Variants in PRR12 observed in about 807,000 individuals in gnomAD.
PRR12 encodes proline-rich protein 12.
Under a neutral mutation model 138.0 loss-of-function variants are expected in PRR12, and 12 were observed. That is an observed-to-expected ratio of 0.09 (90% confidence interval 0.06 to 0.14). The LOEUF (loss-of-function observed/expected upper bound fraction) is 0.14, where lower values mean the gene tolerates loss of function less well. Among genes scored for constraint, PRR12 ranks in the 10% least tolerant of loss-of-function variants. The pLI is 1.00. For synonymous variants in PRR12, 1,567 were observed against 1,291.7 expected, an observed-to-expected ratio of 1.21 and a Z score of -4.57; for missense variants, 2,692 against 2,861.3, an observed-to-expected ratio of 0.94 and a Z score of 1.35.
intron 6 of PRR12, among the ~76,000 whole-genome samples, chr19:49,612,549 G>A (rs1367698356): frequency 1.3e-5 from 2 of 152,116 alleles, no homozygotes; most frequent in African/African-American, 2.4e-5. Flanking sequence ...CAGAGGGTCT[G>A]ATCCCAGCTA....
chr19:49,615,681 G>A (rs2080888391), intron 8 of PRR12, 66 bp from the exon 9 acceptor site: 1 of 1,363,844 alleles, frequency 7.3e-7, no homozygotes, highest in South Asian at 1.3e-5. Context: ...CACTGAGCAG[G>A]GACCCTGAGG....
Position 49,593,402 on chromosome 19 carries a change from C to T in PRR12, c.162C>T (p.His54=). The change falls in exon 2 of 14, where the codon CAC becomes CAT. Residue 54 remains histidine (H), a synonymous_variant. Coordinates refer to ENST00000418929, the MANE Select transcript of PRR12 (RefSeq NM_020719.3). The part of the protein sequence containing the change: ...ILHRQAYAAP[H]PLQSYATNHH... ...ACCGCCAGGCCTATGCGGCCCCCCA[C>T]CCACTGCAAAGCTATGCCACCAACC... The T allele has an allele frequency of 1.2e-6, 2 of 1,611,380 alleles. No individual in the cohort carries two copies. Among genetic ancestry groups the T allele is most frequent in the Non-Finnish European group, 1.7e-6 (2 of 1,178,566 alleles).
chr19:49,621,466 C>T, intron 10 of PRR12, 59 bp from the exon 11 acceptor site: 1 of 1,376,432 alleles, frequency 7.3e-7, no homozygotes, highest in Non-Finnish European at 1.0e-6. Flanking sequence ...ATGACCCCAC[C>T]TTGGCCCCAG....
At position 49,612,321 on chromosome 19, in the gene PRR12, G is replaced by A. The variant is rs1416401331; in HGVS notation, c.4774-2212G>A. 2.0e-5 allele frequency among the ~76,000 whole-genome samples: 3 copies of A among 152,088 alleles called. No homozygotes were observed. The East Asian group carries it at 5.8e-4, about 29-fold the overall frequency. On this transcript the variant is annotated intron_variant, in intron 6 of 13. Transcript: ENST00000418929. ...GGAACCATTGAGTAGGAGGCTGTGG[G>A]CCAGGCCACTTTTCTAGTAATCGGC...
At chr19:49,615,228 G>T (rs1030283332) in intron 8 of PRR12, among the ~76,000 whole-genome samples, 37 of 149,822 alleles carry the variant, frequency 2.5e-4, no homozygotes, top group Non-Finnish European at 4.9e-4. Context: ...GAGACCCAGA[G>T]GTGGGGGGAC....
intron 9 of PRR12, among the ~76,000 whole-genome samples, chr19:49,619,231 T>G (rs2080908065): frequency 7.0e-6 from 1 of 142,424 alleles, no homozygotes; most frequent in Non-Finnish European, 1.5e-5. Context: ...TGAGTTTTTT[T>G]TTTTTTTTTT....
chr19:49,599,287 C>T lies in PRR12; in HGVS notation c.3694C>T (p.Pro1232Ser), dbSNP rs1186734094. 1.2e-6 allele frequency: 2 copies of T among 1,603,914 alleles called. No individual in the cohort carries two copies. The highest frequency in any genetic ancestry group is 2.2e-5 in the East Asian group (1 of 44,788). ...CCATGTCTAGATCAAGCTGTCTGTG[C>T]CCAAGGCTGGCGAGGGTCTGGGAAC... ...LKPLKIKLSVPKAGEGLGTSS... is the reference protein window; with the variant it reads ...LKPLKIKLSVSKAGEGLGTSS... Residue 1232 changes from proline (P) to serine (S), a missense_variant, in exon 5 of 14, where the codon CCC becomes TCC. Pro to Ser is a moderately conservative substitution (Grantham distance 74). Transcript: ENST00000418929. This position sits in a 1 kb window ranked among gnomAD's most constrained non-coding sequence, Gnocchi z 5.0.
Position 49,616,193 on chromosome 19 carries a change from C to T in PRR12, c.5471C>T (p.Ser1824Phe). The T allele has an allele frequency of 1.3e-6, 2 of 1,548,276 alleles. No individual in the cohort carries two copies. The highest frequency in any genetic ancestry group is 4.0e-5 in the Admixed American group (2 of 50,368). The part of the protein sequence containing the change: ...GPPGSSSDSE[S>F]SPGAPSEDER... ...CCAGGCAGCTCCTCGGACTCGGAGT[C>T]CTCCCCTGGAGCCCCCAGCGAGGAC... is the stretch of plus-strand genomic sequence containing the variant. Residue 1824 changes from serine to phenylalanine, a missense_variant, in exon 9 of 14, where the codon TCC becomes TTC. Ser to Phe is a radical substitution (Grantham distance 155). Around this residue, in one of 11 missense-constraint regions of PRR12, gnomAD observed 259 missense variants for 265.1 expected, o/e 0.98. Coordinates refer to ENST00000418929, the MANE Select transcript of PRR12 (RefSeq NM_020719.3). This position sits in a 1 kb window ranked among gnomAD's most constrained non-coding sequence, Gnocchi z 4.2.
At position 49,595,390 on chromosome 19, in the gene PRR12, G is replaced by A; in HGVS notation, c.1055G>A (p.Ser352Asn). 1 of 1,542,080 alleles carries A rather than the reference G, an allele frequency of 6.5e-7. No individual in the cohort carries two copies. The change falls in exon 4 of 14, where the codon AGC becomes AAC. Residue 352 changes from serine to asparagine, a missense_variant. Ser to Asn is a conservative substitution (Grantham distance 46). This residue lies in a region of PRR12 where 523 missense variants were observed against 496.4 expected (regional missense o/e 1.05). Transcript: ENST00000418929. ...GGGGAGCCTAGCAAGGCTGGTCCCAGCGGAGCCACGGCTGGGGCATCTGGC... is the reference window on the plus strand; with the variant it reads ...GGGGAGCCTAGCAAGGCTGGTCCCAACGGAGCCACGGCTGGGGCATCTGGC... ...GAGEPSKAGPSGATAGASGRA... is the reference protein window; with the variant it reads ...GAGEPSKAGPNGATAGASGRA...
In PRR12 at chr19:49,625,487, G is replaced by T; in HGVS notation, c.5991G>T (p.Glu1997Asp). ...CCCTGGCCATCGAGGGCGGCGCCGAGGACCTGGGCCAGGAGGAGGTGGTCC... is the reference window on the plus strand; with the variant it reads ...CCCTGGCCATCGAGGGCGGCGCCGATGACCTGGGCCAGGAGGAGGTGGTCC... ...DQTLAIEGGA[E>D]DLGQEEVVQQ... The change falls in exon 14 of 14, where the codon GAG becomes GAT. Residue 1997 changes from glutamate (E) to aspartate (D), a missense_variant. This residue lies in a region of PRR12 where 116 missense variants were observed against 243.4 expected (regional missense o/e 0.48). Transcript: ENST00000418929. This position sits in a 1 kb window ranked among gnomAD's most constrained non-coding sequence, Gnocchi z 5.5. The T allele has an allele frequency of 1.2e-6, 2 of 1,610,174 alleles. No homozygotes were observed. Among genetic ancestry groups the T allele is most frequent in the East Asian group, 2.2e-5 (1 of 44,772 alleles).
intron 9 of PRR12, among the ~76,000 whole-genome samples, chr19:49,617,839 C>G (rs1446560849): frequency 4.6e-5 from 7 of 152,060 alleles, no homozygotes; most frequent in Non-Finnish European, 1.0e-4. Context: ...GGCACAGTGG[C>G]TGATGCCCAG....
In PRR12 at chr19:49,615,029, CA is replaced by C; in HGVS notation, c.5024+21del. ...AGTCAGGTACCAACCATGGGGGACACAGGGGCAGGTAGTATGTAGCGCCGAC... is the reference window on the plus strand; with the variant it reads ...AGTCAGGTACCAACCATGGGGGACACGGGGCAGGTAGTATGTAGCGCCGAC... On this transcript the variant is annotated intron_variant, in intron 8 of 13. Transcript: ENST00000418929. 1.2e-6 allele frequency: 2 copies of C among 1,613,294 alleles called. No individual in the cohort carries two copies. The highest frequency in any genetic ancestry group is 1.7e-6 in the Non-Finnish European group (2 of 1,179,770).
chr19:49,623,353 C>T (rs535782775), intron 11 of PRR12, among the ~76,000 whole-genome samples: 12 of 151,110 alleles, frequency 7.9e-5, no homozygotes, highest in Admixed American at 5.9e-4. Context: ...TGGCTGGGCG[C>T]GGAGGCTCAT....
chr19:49,593,476 TC>T (rs1476064645), intron 2 of PRR12, 37 bp downstream of exon 2: 1 of 585,650 alleles, frequency 1.7e-6, no homozygotes. Context: ...GGGCTGGCCC[TC>T]CCCCTCCCCC....
rs201889627 is a variant in PRR12, at chr19:49,616,040, C to T, written c.5318C>T (p.Thr1773Met). 1.4e-3 allele frequency: 2,140 copies of T among 1,558,060 alleles called. 5 individuals are homozygous for T. Among genetic ancestry groups the T allele is most frequent in the Non-Finnish European group, 1.7e-3 (1,958 of 1,151,416 alleles). ...ACACGGCCAGAGCGGAGTCTCGCCA[C>T]GGGACAACCTGCCACATCCCGGCTG... ...RQTRPERSLA[T>M]GQPATSRLPK... Residue 1773 changes from threonine (T) to methionine (M), a missense_variant, in exon 9 of 14, where the codon ACG becomes ATG. Physicochemically the swap from Thr to Met is moderately conservative, Grantham distance 81. Coordinates refer to ENST00000418929, the MANE Select transcript of PRR12 (RefSeq NM_020719.3). This position sits in a 1 kb window ranked among gnomAD's most constrained non-coding sequence, Gnocchi z 4.2.
At chr19:49,598,331 C>G (rs1294703451) in intron 4 of PRR12, among the ~76,000 whole-genome samples, 5 of 152,120 alleles carry the variant, frequency 3.3e-5, no homozygotes, top group Non-Finnish European at 1.5e-5. Flanking sequence ...GCCTCGGCCT[C>G]CCAAAGTGCT....
intron 6 of PRR12, among the ~76,000 whole-genome samples, chr19:49,606,267 G>A (rs2080837343): frequency 1.3e-5 from 2 of 151,862 alleles, no homozygotes; most frequent in Non-Finnish European, 1.5e-5. Flanking sequence ...GCCTCCCAAA[G>A]TGCTGAGATT....
chr19:49,591,782 G>A (rs2080729024), intron 1 of PRR12, 42 bp downstream of exon 1: 2 of 1,290,534 alleles, frequency 1.5e-6, no homozygotes, highest in Admixed American at 3.9e-5. Context: ...GCCAAGGGGT[G>A]GGAGCCCAGC....
chr19:49,593,370 A>T lies in PRR12; in HGVS notation c.130A>T (p.Ile44Phe). 6.2e-7 allele frequency: 1 copy of T among 1,603,830 alleles called. No homozygotes were observed. The highest frequency in any genetic ancestry group is 1.7e-5 in the Admixed American group (1 of 59,484). Reference protein sequence around the residue: ...SSRTSHPETDILHRQAYAAPH... With the variant: ...SSRTSHPETDFLHRQAYAAPH... ...CAGGACCTCGCACCCCGAGACGGAC[A>T]TCTTACACCGCCAGGCCTATGCGGC... The change falls in exon 2 of 14, where the codon ATC becomes TTC. Residue 44 changes from isoleucine to phenylalanine, a missense_variant. This residue lies in a region of PRR12 where 211 missense variants were observed against 266.3 expected (regional missense o/e 0.79). Coordinates refer to ENST00000418929, the MANE Select transcript of PRR12 (RefSeq NM_020719.3).
Sources: allele counts gnomAD v4.1 joint callset (sites outside exome capture counted in the v4.1 genomes callset), GRCh38; gene constraint gnomAD v4.1.1; regional missense constraint gnomAD v4.1.1; non-coding constraint Gnocchi (gnomAD v3.1); transcripts MANE v1.5; gene names NCBI Gene and HGNC (gene_info 2026-07-23, HGNC 2026-07-21).